MLLT3: variants seen among roughly 807,000 people sequenced by gnomAD.
The protein encoded by MLLT3 is protein AF-9.
Under a neutral mutation model 53.2 loss-of-function variants are expected in MLLT3, and 4 were observed. That is an observed-to-expected ratio of 0.08 (90% CI 0.04 to 0.17). The LOEUF (loss-of-function observed/expected upper bound fraction) is 0.17. Among genes scored for constraint, MLLT3 ranks in the 10% least tolerant of loss-of-function variants. MLLT3 has a pLI of 1.00. For synonymous variants in MLLT3, 283 were observed against 230.6 expected, an observed-to-expected ratio of 1.23 and a Z score of -2.06; for missense variants, 569 against 684.0, an observed-to-expected ratio of 0.83 and a Z score of 1.87.
intron 2 of MLLT3, among the ~76,000 whole-genome samples, chr9:20,510,020 C>A (rs951855413): frequency 2.0e-5 from 3 of 151,868 alleles, no homozygotes; most frequent in African/African-American, 7.3e-5. Flanking sequence ...GTTTTATAAA[C>A]CCTAAAATTC....
rs545309972 is a variant in MLLT3 at position 20,352,344 on chromosome 9, C to T, written c.1575+1181G>A. Among the ~76,000 whole-genome samples the T allele has an allele frequency of 2.6e-5, 4 of 152,294 alleles. No homozygotes were observed. The East Asian group carries it at 7.7e-4, about 29-fold the overall frequency. On this transcript the variant is annotated intron_variant, in intron 10 of 10. Coordinates refer to ENST00000380338, the MANE Select transcript of MLLT3 (RefSeq NM_004529.4). ...GTGTTTGGGAAGAGACGAGAAAGAT[C>T]ATGCAATAGATCTGCAATCAGCATT... is the stretch of plus-strand genomic sequence containing the variant.
chr9:20,514,113 G>A (rs546368718), intron 2 of MLLT3, among the ~76,000 whole-genome samples: 1 of 152,220 alleles, frequency 6.6e-6, no homozygotes, highest in Admixed American at 6.5e-5. Context: ...GAAAGCAACA[G>A]TCACCATTAA....
At chr9:20,513,085 C>T (rs1476092732) in intron 2 of MLLT3, among the ~76,000 whole-genome samples, 3 of 152,170 alleles carry the variant, frequency 2.0e-5, no homozygotes, top group Non-Finnish European at 4.4e-5. Context: ...CTAGTCTTGC[C>T]CTGATAGGGC....
chr9:20,581,715 T>C (rs555025144), intron 2 of MLLT3, among the ~76,000 whole-genome samples: 5 of 152,294 alleles, frequency 3.3e-5, no homozygotes, highest in African/African-American at 1.2e-4. Flanking sequence ...GCAGGAACAC[T>C]ATGCAATTCT....
intron 5 of MLLT3, among the ~76,000 whole-genome samples, chr9:20,369,220 C>G (rs935886592): frequency 6.6e-6 from 1 of 152,040 alleles, no homozygotes; most frequent in African/African-American, 2.4e-5. Flanking sequence ...CTGGGAGAAG[C>G]CTATATATGA....
intron 2 of MLLT3, among the ~76,000 whole-genome samples, chr9:20,560,201 A>G (rs1294875924): frequency 2.0e-5 from 3 of 152,202 alleles, no homozygotes; most frequent in African/African-American, 4.8e-5. Flanking sequence ...GCTGCCATGC[A>G]TAAGTTAAAG....
chr9:20,486,062 C>T (rs900763582), intron 2 of MLLT3, among the ~76,000 whole-genome samples: 4 of 152,134 alleles, frequency 2.6e-5, no homozygotes, highest in Non-Finnish European at 5.9e-5. Flanking sequence ...ACTTCACTCA[C>T]ACACGTTATA....
chr9:20,473,893 TCACTG>T (rs1406208361), intron 2 of MLLT3, among the ~76,000 whole-genome samples: 3 of 152,154 alleles, frequency 2.0e-5, no homozygotes, highest in African/African-American at 7.2e-5. Context: ...TACTTTCTAG[TCACTG>T]CACAAATAGA....
chr9:20,539,578 G>T lies in MLLT3; in HGVS notation c.193+81076C>A, dbSNP rs1001637356. On this transcript the variant is annotated intron_variant, in intron 2 of 10. Coordinates refer to ENST00000380338, the MANE Select transcript of MLLT3 (RefSeq NM_004529.4). ...ACTTTTAAACCATCAATTCTTGTGA[G>T]AACTGACTCACTATCACAGGAATAA... Among the ~76,000 whole-genome samples, 44 of 152,050 alleles carry T rather than the reference G, an allele frequency of 2.9e-4. 2 individuals carry two copies. Among genetic ancestry groups the T allele is most frequent in the Non-Finnish European group, 4.4e-5 (3 of 68,018 alleles).
intron 2 of MLLT3, among the ~76,000 whole-genome samples, chr9:20,469,606 TAAAGTC>T (rs1824323864): frequency 6.6e-6 from 1 of 151,750 alleles, no homozygotes; most frequent in Non-Finnish European, 1.5e-5. Flanking sequence ...AGTTGAATCT[TAAAGTC>T]AAAGAGAAGA....
chr9:20,359,754 G>A (rs1821270248), intron 8 of MLLT3, among the ~76,000 whole-genome samples: 1 of 152,170 alleles, frequency 6.6e-6, no homozygotes, highest in African/African-American at 2.4e-5. Flanking sequence ...CTGTGAAACA[G>A]TATTTTCAGA....
chr9:20,407,761 G>A (rs374569621), intron 5 of MLLT3, among the ~76,000 whole-genome samples: 6 of 151,992 alleles, frequency 3.9e-5, no homozygotes, highest in African/African-American at 1.4e-4. Flanking sequence ...TCCATAAAAT[G>A]GCAATAATAA....
At chr9:20,364,363 A>T (rs910977817) in intron 6 of MLLT3, among the ~76,000 whole-genome samples, 17 of 152,256 alleles carry the variant, frequency 1.1e-4, no homozygotes, top group African/African-American at 3.9e-4. Context: ...ACAGAAATGA[A>T]AACACACACA....
chr9:20,483,874 A>AT (rs11406341), intron 2 of MLLT3, among the ~76,000 whole-genome samples: 110,314 of 147,536 alleles, frequency 0.75, 41,453 homozygotes, highest in Middle Eastern at 0.86. Context: ...CGCAAGTCTA[A>AT]TTTTTTTTTT....
At chr9:20,425,882 T>A (rs1823128259) in intron 4 of MLLT3, among the ~76,000 whole-genome samples, 1 of 152,052 alleles carries the variant, frequency 6.6e-6, no homozygotes, top group East Asian at 1.9e-4. Flanking sequence ...AAATATTTTT[T>A]AATATTAAAA....
intron 2 of MLLT3, among the ~76,000 whole-genome samples, chr9:20,601,646 A>G (rs192847545): frequency 2.7e-4 from 41 of 152,342 alleles, no homozygotes; most frequent in African/African-American, 9.4e-4. Flanking sequence ...ATGTGAGTAC[A>G]ATATTGAGTG....
chr9:20,439,963 CATT>C (rs1823503326), intron 4 of MLLT3, among the ~76,000 whole-genome samples: 1 of 152,036 alleles, frequency 6.6e-6, no homozygotes, highest in Non-Finnish European at 1.5e-5. Flanking sequence ...TCTGGTAGAA[CATT>C]ATTATTATGT....
intron 2 of MLLT3, among the ~76,000 whole-genome samples, chr9:20,501,192 A>G (rs1483541524): frequency 6.6e-6 from 1 of 152,200 alleles, no homozygotes; most frequent in Non-Finnish European, 1.5e-5. Flanking sequence ...ATTCAAATAT[A>G]CCATTTCTAG....
At chr9:20,372,083 G>C (rs990144076) in intron 5 of MLLT3, among the ~76,000 whole-genome samples, 2 of 152,228 alleles carry the variant, frequency 1.3e-5, no homozygotes, top group Admixed American at 6.5e-5. Flanking sequence ...TAGAAGTGGA[G>C]TCTGAAGATG....
Sources: gnomAD v4.1 joint callset for allele counts (sites outside exome capture counted in the v4.1 genomes callset) on GRCh38, gnomAD v4.1.1 for gene constraint, MANE v1.5 for transcripts, NCBI Gene and HGNC (gene_info 2026-07-23, HGNC 2026-07-21) for gene names.